Variants in NDRG3 observed in about 807,000 individuals in gnomAD.
The protein encoded by NDRG3 is protein NDRG3.
In NDRG3, 23 loss-of-function variants were observed where a neutral mutation model predicts 57.2. The ratio of observed to expected loss-of-function variants is 0.40; its 90% CI spans 0.29 to 0.57. The LOEUF is 0.57. Among genes scored for constraint, NDRG3 ranks in the 20% least tolerant of loss-of-function variants. The pLI is 0.42. For missense variants in NDRG3, 384 were observed against 457.3 expected (o/e 0.84, Z 1.46); for synonymous variants, 132 against 162.6 (o/e 0.81, Z 1.43).
At chr20:36,658,032 C>T (rs778966872) in intron 13 of NDRG3, among the ~76,000 whole-genome samples, 7 of 151,912 alleles carry the variant, frequency 4.6e-5, no homozygotes, top group Non-Finnish European at 8.8e-5. Context: ...GGCATTTTTG[C>T]GAAAAATAAC....
intron 1 of NDRG3, among the ~76,000 whole-genome samples, chr20:36,725,180 C>G (rs1165154136): frequency 6.6e-6 from 1 of 152,056 alleles, no homozygotes; most frequent in Non-Finnish European, 1.5e-5. Flanking sequence ...GCCTGTAATC[C>G]CAGCTACTCA....
At chr20:36,721,863 T>C (rs1984614623) in intron 1 of NDRG3, 80 bp from the exon 2 acceptor site, 1 of 649,718 alleles carries the variant, frequency 1.5e-6, no homozygotes, top group Non-Finnish European at 2.7e-6. Flanking sequence ...CACCCATTCA[T>C]TCAAATATGA....
At chr20:36,708,120 T>C (rs1983651760) in intron 2 of NDRG3, among the ~76,000 whole-genome samples, 1 of 151,906 alleles carries the variant, frequency 6.6e-6, no homozygotes, top group African/African-American at 2.4e-5. Flanking sequence ...AAGTGATGTA[T>C]TTGGGAATAA....
intron 7 of NDRG3, 61 bp downstream of exon 7, chr20:36,682,457 G>C (rs1981382761): frequency 1.5e-6 from 2 of 1,358,286 alleles, no homozygotes; most frequent in African/African-American, 1.4e-5. Flanking sequence ...TAACACAGCA[G>C]TAATAGCTGT....
At chr20:36,714,588 T>G (rs1984116897) in intron 2 of NDRG3, among the ~76,000 whole-genome samples, 1 of 148,572 alleles carries the variant, frequency 6.7e-6, no homozygotes, top group Admixed American at 6.7e-5. Context: ...GCATGTGCCA[T>G]CATGCCTGGC....
In NDRG3 at chr20:36,666,476, A is replaced by T. The variant is rs1979644906; in HGVS notation, c.589-84T>A. 4.0e-6 allele frequency: 4 copies of T among 999,842 alleles called. No individual in the cohort carries two copies. The South Asian group carries it at 5.3e-5, about 13-fold the overall frequency. 61.9% of individuals were successfully genotyped at this position (999,842 alleles called of 1,614,324 possible). ...GTTTGGTTTGCATTTTCATTACCACAAGCCAAATCGTGCGGCTCATGATGG... is the reference window on the plus strand; with the variant it reads ...GTTTGGTTTGCATTTTCATTACCACTAGCCAAATCGTGCGGCTCATGATGG... On this transcript the variant is annotated intron_variant, in intron 9 of 15. Transcript: ENST00000349004.
At position 36,680,800 on chromosome 20, in the gene NDRG3, T is replaced by A. The variant is rs376487840; in HGVS notation, c.531+16A>T. The A allele has an allele frequency of 3.6e-5, 58 of 1,610,562 alleles. No homozygotes were observed. The African/African-American group carries it at 7.6e-4, about 21-fold the overall frequency. On this transcript the variant is annotated intron_variant, in intron 8 of 15. Transcript: ENST00000349004. ...GGGCCAAGATAAGCCGATGGACACC[T>A]TCATGTGGTACTTACTTTGGAAGCT...
At chr20:36,743,816 TCAAAAAACAAACAAAAACAAA>T (rs1320775842) in intron 1 of NDRG3, among the ~76,000 whole-genome samples, 2 of 146,114 alleles carry the variant, frequency 1.4e-5, no homozygotes, top group African/African-American at 2.5e-5. Context: ...AGACTCCGTC[TCAAAAAACAAACAAAAACAAA>T]CAAAAAACAA....
chr20:36,672,420 G>A (rs532551234), intron 8 of NDRG3, among the ~76,000 whole-genome samples: 1 of 152,308 alleles, frequency 6.6e-6, no homozygotes, highest in South Asian at 2.1e-4. Flanking sequence ...AAGAGGCACT[G>A]AGGGAGACAG....
chr20:36,697,963 CT>C lies in NDRG3; in HGVS notation c.93+9008del, dbSNP rs1026025529. On this transcript the variant is annotated intron_variant, in intron 3 of 15. Transcript: ENST00000349004. ...TAATTTGCGAGTTTTTTTCTTTTTT[CT>C]TTTTTTTTTTTTTTTTTTTGAGACA... 5.0e-3 allele frequency among the ~76,000 whole-genome samples: 621 copies of C among 123,068 alleles called. 1 individual carries two copies. Among genetic ancestry groups the C allele is most frequent in the African/African-American group, 0.015 (512 of 33,222 alleles). The allele number at this position is 123,068 out of a possible 152,430, so 80.7% of individuals were successfully genotyped here. A position where few individuals can be genotyped will look rare whatever the true frequency, so the allele number is the denominator to read the frequency against.
chr20:36,742,550 A>G (rs1355550444), intron 1 of NDRG3, among the ~76,000 whole-genome samples: 1 of 152,182 alleles, frequency 6.6e-6, no homozygotes, highest in Non-Finnish European at 1.5e-5. Context: ...ATGAATTTTT[A>G]AAAATCACAG....
At chr20:36,679,175 T>G (rs1981023305) in intron 8 of NDRG3, among the ~76,000 whole-genome samples, 1 of 152,218 alleles carries the variant, frequency 6.6e-6, no homozygotes, top group Non-Finnish European at 1.5e-5. Context: ...GCCTGGCTAG[T>G]CTTGAACTCC....
chr20:36,711,858 C>G (rs1983902835), intron 2 of NDRG3, among the ~76,000 whole-genome samples: 1 of 152,206 alleles, frequency 6.6e-6, no homozygotes, highest in Admixed American at 6.5e-5. Context: ...TGGCTCACTG[C>G]AAGCTCCGCC....
At chr20:36,689,012 T>A (rs1467642428) in intron 3 of NDRG3, among the ~76,000 whole-genome samples, 1 of 151,946 alleles carries the variant, frequency 6.6e-6, no homozygotes. Context: ...CTGGCCAACA[T>A]GATGAAACCC....
chr20:36,724,329 T>C (rs1482639014), intron 1 of NDRG3, among the ~76,000 whole-genome samples: 1 of 152,222 alleles, frequency 6.6e-6, no homozygotes, highest in Admixed American at 6.5e-5. Flanking sequence ...AACCTCCCTA[T>C]AGGACAGTGG....
chr20:36,676,456 TG>T (rs1980717506), intron 8 of NDRG3, among the ~76,000 whole-genome samples: 1 of 152,132 alleles, frequency 6.6e-6, no homozygotes, highest in Non-Finnish European at 1.5e-5. Context: ...TTTGTTTGTT[TG>T]TTTTTTGTTT....
At chr20:36,663,171 A>C (rs1271976801) in intron 12 of NDRG3, among the ~76,000 whole-genome samples, 2 of 152,170 alleles carry the variant, frequency 1.3e-5, no homozygotes, top group Non-Finnish European at 2.9e-5. Context: ...TTTTTGAGGA[A>C]GGGGAACTGA....
At chr20:36,719,244 T>C (rs1232494904) in intron 2 of NDRG3, among the ~76,000 whole-genome samples, 2 of 151,818 alleles carry the variant, frequency 1.3e-5, no homozygotes, top group African/African-American at 2.4e-5. Flanking sequence ...CTGGCCAACA[T>C]GGTGAAACCC....
At chr20:36,729,810 G>A (rs1343493037) in intron 1 of NDRG3, among the ~76,000 whole-genome samples, 1 of 152,036 alleles carries the variant, frequency 6.6e-6, no homozygotes, top group Admixed American at 6.6e-5. Flanking sequence ...TTACAGGCAT[G>A]AGCCACCATG....
Sources: allele counts gnomAD v4.1 joint callset (sites outside exome capture counted in the v4.1 genomes callset), GRCh38; gene constraint gnomAD v4.1.1; transcripts MANE v1.5; gene names NCBI Gene and HGNC (gene_info 2026-07-23, HGNC 2026-07-21).